The following MFSD1 variants were observed in gnomAD, a reference collection of about 807,000 sequenced individuals.
MFSD1 encodes the protein major facilitator superfamily domain containing 1.
Under a neutral mutation model 67.1 loss-of-function variants are expected in MFSD1, and 59 were observed. The ratio of observed to expected loss-of-function variants is 0.88; its 90% confidence interval spans 0.71 to 1.09. The LOEUF is 1.09. Among genes scored for constraint, MFSD1 ranks in the 50% least tolerant of loss-of-function variants. The probability of loss-of-function intolerance (pLI) is 0.00; values close to 1 mark genes in which losing one functional copy is unlikely to be tolerated. For synonymous variants in MFSD1, 213 were observed against 200.3 expected (o/e 1.06, Z -0.54); for missense variants, 552 against 566.1 (o/e 0.97, Z 0.25).
At chr3:158,807,741 G>T (rs1729799489) in intron 5 of MFSD1, among the ~76,000 whole-genome samples, 1 of 152,204 alleles carries the variant, frequency 6.6e-6, no homozygotes, top group Admixed American at 6.5e-5. Flanking sequence ...TTGTATTAAA[G>T]ACTATGATTT....
chr3:158,815,288 T>C (rs1364629913), intron 7 of MFSD1, among the ~76,000 whole-genome samples: 2 of 151,708 alleles, frequency 1.3e-5, no homozygotes, highest in Non-Finnish European at 2.9e-5. Context: ...ATGCTAGCTC[T>C]AACTAGTTCT....
At chr3:158,814,848 CG>C (rs1730233619) in intron 7 of MFSD1, among the ~76,000 whole-genome samples, 3 of 151,926 alleles carry the variant, frequency 2.0e-5, no homozygotes, top group Non-Finnish European at 4.4e-5. Context: ...TTTGGGAGGC[CG>C]AGGTGGGTGG....
chr3:158,809,150 CT>C, intron 5 of MFSD1, 28 bp from the exon 6 acceptor site: 1 of 1,331,764 alleles, frequency 7.5e-7, no homozygotes, highest in Non-Finnish European at 1.0e-6. Flanking sequence ...GTTGTGACTT[CT>C]GGTTTTTTTT....
At chr3:158,824,590 C>T (rs1316791307) in intron 13 of MFSD1, 1 of 161,076 alleles carries the variant, frequency 6.2e-6, no homozygotes, top group Admixed American at 6.4e-5. Context: ...ATTCATTAGG[C>T]AGTTTTAACT....
intron 7 of MFSD1, among the ~76,000 whole-genome samples, chr3:158,814,484 C>A (rs1730214264): frequency 1.3e-5 from 2 of 151,966 alleles, no homozygotes; most frequent in African/African-American, 2.4e-5. Flanking sequence ...CCATGCCTGG[C>A]TAATTTTTGT....
intron 6 of MFSD1, among the ~76,000 whole-genome samples, chr3:158,811,232 G>T (rs777654225): frequency 1.4e-4 from 22 of 152,178 alleles, no homozygotes; most frequent in Admixed American, 7.9e-4. Context: ...AACTGTGAGC[G>T]CTGTAACCTA....
chr3:158,825,936 T>C, intron 13 of MFSD1, 79 bp from the exon 14 acceptor site: 1 of 1,112,870 alleles, frequency 9.0e-7, no homozygotes, highest in East Asian at 2.3e-5. Context: ...TGTCTAAGCT[T>C]TGCTTTGTGA....
In MFSD1 at chr3:158,805,446, T is replaced by G. The variant is rs766093654; in HGVS notation, c.301T>G (p.Phe101Val). 9 of 1,613,554 alleles carry G rather than the reference T, an allele frequency of 5.6e-6. No individual in the cohort carries two copies. In the South Asian group the frequency reaches 8.8e-5, roughly 16 times the overall value. The stretch of plus-strand genomic sequence containing the variant: ...TGTAGTTTTGTGTTTCTTTGGTGGC[T>G]TTTTGATAGACCGAGTATTTGGAAT... ...PNVVLCFFGG[F>V]LIDRVFGIRW... The change falls in exon 3 of 16, where the codon TTT (phenylalanine) becomes GTT (valine). Residue 101 changes from phenylalanine to valine, a missense_variant. Transcript: ENST00000415822.
intron 3 of MFSD1, 64 bp downstream of exon 3, chr3:158,805,538 T>A (rs770718798): frequency 2.5e-6 from 3 of 1,186,356 alleles, no homozygotes; most frequent in Non-Finnish European, 3.8e-6. Flanking sequence ...AGAGCTAGAT[T>A]AAGGTATTTC....
intron 1 of MFSD1, chr3:158,802,681 A>C: frequency 2.1e-6 from 1 of 467,910 alleles, no homozygotes; most frequent in African/African-American, 2.0e-5. Flanking sequence ...GAAAGCTTTA[A>C]CTGTTCCTAA....
At chr3:158,804,486 C>A in intron 2 of MFSD1, 115 bp downstream of exon 2, 1 of 704,534 alleles carries the variant, frequency 1.4e-6, no homozygotes, top group Non-Finnish European at 2.3e-6. Flanking sequence ...TCTATTTTGA[C>A]ATCTGTAGTC....
intron 9 of MFSD1, 149 bp from the exon 10 acceptor site, chr3:158,821,448 C>A: frequency 1.7e-6 from 1 of 583,466 alleles, no homozygotes; most frequent in Non-Finnish European, 3.1e-6. Flanking sequence ...GAAGCTTTAG[C>A]AGATTGCCTG....
rs749316384 is a variant in MFSD1 at position 158,805,490 on chromosome 3, A to T, written c.329+16A>T. ...TTGGAATACGGTAAGCTTGAAAAGA[A>T]ACTATGGGTAAATCTTACCTGATTG... On this transcript the variant is annotated intron_variant, in intron 3 of 15. Coordinates refer to ENST00000415822, the MANE Select transcript of MFSD1 (RefSeq NM_022736.4). The T allele has an allele frequency of 1.3e-6, 2 of 1,533,324 alleles. No homozygotes were observed. Among genetic ancestry groups the T allele is most frequent in the Non-Finnish European group, 1.8e-6 (2 of 1,106,414 alleles). 95.0% of individuals were successfully genotyped at this position (1,533,324 alleles called of 1,614,324 possible).
At chr3:158,824,021 A>G in intron 12 of MFSD1, 103 bp from the exon 13 acceptor site, 1 of 841,666 alleles carries the variant, frequency 1.2e-6, no homozygotes, top group South Asian at 1.6e-5. Context: ...CTCTGAACAC[A>G]AATAGTATAT....
chr3:158,812,043 G>C (rs942554469), intron 6 of MFSD1, among the ~76,000 whole-genome samples: 5 of 152,196 alleles, frequency 3.3e-5, no homozygotes, highest in African/African-American at 1.2e-4. Context: ...GAAATAATGA[G>C]TTTTCAAGTA....
In MFSD1 at chr3:158,809,176, T is replaced by G; in HGVS notation, c.441-3T>G. 1 of 1,555,460 alleles carries G rather than the reference T, an allele frequency of 6.4e-7. No individual in the cohort carries two copies. The highest frequency in any genetic ancestry group is 8.6e-7 in the Non-Finnish European group (1 of 1,157,914). On this transcript the variant is annotated splice_polypyrimidine_tract_variant and splice_region_variant and intron_variant, in intron 5 of 15. Transcript: ENST00000415822. ...TGGTTTTTTTTTTTTTTTCTATTTTTAGGATTGGTGGCGAGTCCTTAGCAG... is the reference window on the plus strand; with the variant it reads ...TGGTTTTTTTTTTTTTTTCTATTTTGAGGATTGGTGGCGAGTCCTTAGCAG...
Position 158,819,658 on chromosome 3 carries a change from C to A in MFSD1, c.662C>A (p.Thr221Lys). 2.6e-6 allele frequency: 4 copies of A among 1,520,242 alleles called. No individual in the cohort carries two copies. Among genetic ancestry groups the A allele is most frequent in the Non-Finnish European group, 3.6e-6 (4 of 1,106,080 alleles). The allele number at this position is 1,520,242 out of a possible 1,614,324, so 94.2% of individuals were successfully genotyped here. The change falls in exon 8 of 16, where the codon ACG (threonine) becomes AAG (lysine). Residue 221 changes from threonine to lysine, a missense_variant. Transcript: ENST00000415822. ...TTTTTTTTTTATTTAGGGGGTATAA[C>A]GTGTATTCTTTCACTAATCTGTGCC... ...LGITLMIGGI[T>K]CILSLICALA...
chr3:158,818,103 T>G (rs1471795984), intron 7 of MFSD1, among the ~76,000 whole-genome samples: 2 of 152,174 alleles, frequency 1.3e-5, no homozygotes, highest in African/African-American at 4.8e-5. Context: ...GCAGTTTGTC[T>G]AACTGAACCC....
rs565075260 is a variant in MFSD1, at chr3:158,829,645, A to G, written c.*663A>G. The G allele has an allele frequency of 2.6e-5, 4 of 152,358 alleles. No homozygotes were observed. Among genetic ancestry groups the G allele is most frequent in the South Asian group, 4.1e-4 (2 of 4,830 alleles). 9.4% of individuals were successfully genotyped at this position (152,358 alleles called of 1,614,324 possible). On this transcript the variant is annotated 3_prime_UTR_variant, in exon 16 of 16. Coordinates refer to ENST00000415822, the MANE Select transcript of MFSD1 (RefSeq NM_022736.4). ...TCTGTACAGTTTTTCTTATAGTCTAATAAGTAAAAAGTGTCCTTCAAATTA... is the reference window on the plus strand; with the variant it reads ...TCTGTACAGTTTTTCTTATAGTCTAGTAAGTAAAAAGTGTCCTTCAAATTA...
Sources: allele counts gnomAD v4.1 joint callset (sites outside exome capture counted in the v4.1 genomes callset), GRCh38; gene constraint gnomAD v4.1.1; transcripts MANE v1.5; gene names NCBI Gene and HGNC (gene_info 2026-07-23, HGNC 2026-07-21).